The following WNT7B variants were observed in gnomAD, a reference collection of about 807,000 sequenced individuals.
WNT7B encodes the protein Wnt family member 7B.
Under a neutral mutation model 38.2 loss-of-function variants are expected in WNT7B, and 19 were observed. That is an observed-to-expected ratio of 0.50 (90% confidence interval 0.35 to 0.73). WNT7B has a LOEUF of 0.73. WNT7B is among the 30% of genes least tolerant of loss of function. The pLI, the probability that WNT7B is intolerant of heterozygous loss-of-function variation, is 0.01. For synonymous variants in WNT7B, 243 were observed against 209.3 expected (o/e 1.16, Z -1.39); for missense variants, 423 against 507.9 (o/e 0.83, Z 1.61).
At chr22:45,956,704 C>T (rs940329719) in intron 1 of WNT7B, among the ~76,000 whole-genome samples, 3 of 152,218 alleles carry the variant, frequency 2.0e-5, no homozygotes, top group African/African-American at 4.8e-5. Flanking sequence ...ATTCATGCAG[C>T]GTGACTACAC....
intron 3 of WNT7B, among the ~76,000 whole-genome samples, chr22:45,929,163 CCT>C: frequency 6.6e-6 from 1 of 152,212 alleles, no homozygotes; most frequent in South Asian, 2.1e-4. Flanking sequence ...CTTGCCTTCT[CCT>C]CTTTCTCCTC....
chr22:45,960,402 G>T (rs532121713), intron 1 of WNT7B, among the ~76,000 whole-genome samples: 2 of 152,162 alleles, frequency 1.3e-5, no homozygotes, highest in African/African-American at 4.8e-5. Context: ...ACTCCCCAGG[G>T]CAGGGGTCCC....
intron 1 of WNT7B, among the ~76,000 whole-genome samples, chr22:45,960,513 C>G (rs1351806361): frequency 6.6e-6 from 1 of 152,208 alleles, no homozygotes; most frequent in Non-Finnish European, 1.5e-5. Context: ...CCCCAGCTCT[C>G]TGGGTGGCAG....
intron 3 of WNT7B, among the ~76,000 whole-genome samples, chr22:45,930,622 C>T (rs541915982): frequency 8.5e-5 from 13 of 152,318 alleles, no homozygotes; most frequent in South Asian, 8.3e-4. Context: ...CAGCAGCCCC[C>T]GGCTCACAGC....
intron 1 of WNT7B, among the ~76,000 whole-genome samples, chr22:45,973,373 G>T (rs1028356984): frequency 1.1e-4 from 16 of 152,220 alleles, no homozygotes; most frequent in Non-Finnish European, 2.1e-4. Context: ...GGCAAGACAA[G>T]GGAAGGCTGG....
chr22:45,953,093 G>A (rs1486928288), intron 1 of WNT7B, among the ~76,000 whole-genome samples: 1 of 152,062 alleles, frequency 6.6e-6, no homozygotes, highest in African/African-American at 2.4e-5. Flanking sequence ...TTTTGCGGGT[G>A]TAGAGCTCAT....
chr22:45,927,358 C>T (rs1931118016), intron 3 of WNT7B: 1 of 1,477,390 alleles, frequency 6.8e-7, no homozygotes, highest in Non-Finnish European at 9.0e-7. Flanking sequence ...GAAGTGGGGG[C>T]AGGGCGGGGG....
chr22:45,945,022 G>A (rs1026730200), intron 2 of WNT7B, among the ~76,000 whole-genome samples: 2 of 152,226 alleles, frequency 1.3e-5, no homozygotes, highest in African/African-American at 2.4e-5. Context: ...CAGGTGAGCC[G>A]CAGGTGTCCG....
chr22:45,958,258 G>C (rs1475455921), intron 1 of WNT7B, among the ~76,000 whole-genome samples: 1 of 152,272 alleles, frequency 6.6e-6, no homozygotes, highest in Admixed American at 6.5e-5. Flanking sequence ...GGCCCAGCCT[G>C]GGGGCTCCCT....
At chr22:45,971,252 A>G in intron 1 of WNT7B, among the ~76,000 whole-genome samples, 1 of 150,092 alleles carries the variant, frequency 6.7e-6, no homozygotes, top group African/African-American at 2.5e-5. Flanking sequence ...GGGGAGGGGG[A>G]AGGGAAGAGA....
In WNT7B at chr22:45,943,035, G is replaced by A. The variant is rs374547824; in HGVS notation, c.298+6885C>T. ...GCAGTGTGCATGTGTATGTGTGTGC[G>A]CGTGTGTGCAGCATGCATGTGTGTG... On this transcript the variant is annotated intron_variant, in intron 2 of 3. Transcript: ENST00000339464. Among the ~76,000 whole-genome samples the A allele has an allele frequency of 6.8e-4, 94 of 137,814 alleles. 1 individual carries two copies. The highest frequency in any genetic ancestry group is 1.7e-3 in the African/African-American group (53 of 31,178). 90.4% of individuals were successfully genotyped at this position (137,814 alleles called of 152,430 possible).
intron 3 of WNT7B, 68 bp downstream of exon 3, chr22:45,931,030 C>T (rs1931332568): frequency 2.0e-6 from 3 of 1,486,204 alleles, no homozygotes; most frequent in African/African-American, 1.4e-5. Flanking sequence ...GAGCCTGAGG[C>T]TCCGAGAGGT....
At chr22:45,972,053 G>A in intron 1 of WNT7B, 1 of 491,824 alleles carries the variant, frequency 2.0e-6, no homozygotes, top group Non-Finnish European at 3.6e-6. Flanking sequence ...CCGGTGCCCC[G>A]CCCAGGGGCC....
At chr22:45,948,148 G>C (rs931235452) in intron 2 of WNT7B, among the ~76,000 whole-genome samples, 23 of 152,318 alleles carry the variant, frequency 1.5e-4, no homozygotes, top group Non-Finnish European at 3.1e-4. Context: ...ACAACTCCCC[G>C]GGGGCTCGGC....
intron 1 of WNT7B, among the ~76,000 whole-genome samples, chr22:45,974,497 C>T (rs1202117914): frequency 6.6e-6 from 1 of 152,216 alleles, no homozygotes; most frequent in Non-Finnish European, 1.5e-5. Context: ...CTCTCCTTCC[C>T]TTAGCAGATC....
intron 3 of WNT7B, among the ~76,000 whole-genome samples, chr22:45,929,129 T>C (rs1314365540): frequency 2.0e-5 from 3 of 152,172 alleles, no homozygotes; most frequent in African/African-American, 7.2e-5. Context: ...TCGAGGATGG[T>C]GGTGGTTCCC....
At chr22:45,929,160 TCTCCTCTTTCTC>T (rs968580159) in intron 3 of WNT7B, among the ~76,000 whole-genome samples, 3 of 152,224 alleles carry the variant, frequency 2.0e-5, no homozygotes, top group African/African-American at 7.2e-5. Flanking sequence ...AGCCTTGCCT[TCTCCTCTTTCTC>T]CTCCTCCTCC....
chr22:45,932,388 G>A (rs1931392061), intron 2 of WNT7B, among the ~76,000 whole-genome samples: 1 of 151,686 alleles, frequency 6.6e-6, no homozygotes, highest in East Asian at 1.9e-4. Flanking sequence ...CCGGGTCTGA[G>A]GCCTCCCTGT....
chr22:45,956,157 G>A (rs146745328), intron 1 of WNT7B, among the ~76,000 whole-genome samples: 31 of 152,282 alleles, frequency 2.0e-4, no homozygotes, highest in African/African-American at 6.5e-4. Context: ...CACAGCCCTG[G>A]GGTGCCTGAG....
Sources: allele counts gnomAD v4.1 joint callset (sites outside exome capture counted in the v4.1 genomes callset), GRCh38; gene constraint gnomAD v4.1.1; transcripts MANE v1.5; gene names NCBI Gene and HGNC (gene_info 2026-07-23, HGNC 2026-07-21).